The following ATP6V0D1 variants were observed in gnomAD, a reference collection of about 807,000 sequenced individuals.
The protein encoded by ATP6V0D1 is V-type proton ATPase subunit d 1.
In ATP6V0D1, 13 loss-of-function variants were observed where a neutral mutation model predicts 39.0. The observed-to-expected ratio is 0.33, with a 90% confidence interval of 0.22 to 0.53. The LOEUF (loss-of-function observed/expected upper bound fraction) is 0.53. Among genes scored for constraint, ATP6V0D1 ranks in the 20% least tolerant of loss-of-function variants. The pLI, the probability that ATP6V0D1 is intolerant of heterozygous loss-of-function variation, is 0.94. For missense variants in ATP6V0D1, 272 were observed against 470.9 expected, an observed-to-expected ratio of 0.58 and a Z score of 3.91; for synonymous variants, 191 against 191.2, an observed-to-expected ratio of 1.00 and a Z score of 0.01.
chr16:67,466,093 TG>T (rs2041326776), intron 1 of ATP6V0D1, among the ~76,000 whole-genome samples: 1 of 152,016 alleles, frequency 6.6e-6, no homozygotes, highest in South Asian at 2.1e-4. Context: ...ATTTAATCAC[TG>T]CCTCAGACTC....
At position 67,451,721 on chromosome 16, in the gene ATP6V0D1, TGGAAGGGGTG is replaced by T. The variant is rs561570095; in HGVS notation, c.302+1813_302+1822del. 2.9e-3 allele frequency among the ~76,000 whole-genome samples: 439 copies of T among 152,208 alleles called. 1 individual carries two copies. Among genetic ancestry groups the T allele is most frequent in the Non-Finnish European group, 5.0e-3 (343 of 67,998 alleles). ...ACTGGAAGCCACAATCACCCATGAA[TGGAAGGGGTG>T]GGAAGTGGCAGATTCGGACAGCCTT... On this transcript the variant is annotated intron_variant, in intron 2 of 7. Coordinates refer to ENST00000290949, the MANE Select transcript of ATP6V0D1 (RefSeq NM_004691.5).
intron 1 of ATP6V0D1, among the ~76,000 whole-genome samples, chr16:67,473,439 T>C (rs1379805287): frequency 6.6e-6 from 1 of 150,946 alleles, no homozygotes; most frequent in Non-Finnish European, 1.5e-5. Context: ...ACCTCCACCT[T>C]CCGGGTTCAA....
chr16:67,471,405 G>C (rs2041371827), intron 1 of ATP6V0D1, among the ~76,000 whole-genome samples: 1 of 152,008 alleles, frequency 6.6e-6, no homozygotes, highest in Non-Finnish European at 1.5e-5. Flanking sequence ...GCCCAGGGTG[G>C]TCTTGAACTC....
chr16:67,444,378 G>GT lies in ATP6V0D1; in HGVS notation c.481+149_481+150insA, dbSNP rs1270736653. On this transcript the variant is annotated intron_variant, in intron 3 of 7. Coordinates refer to ENST00000290949, the MANE Select transcript of ATP6V0D1 (RefSeq NM_004691.5). The surrounding 1 kb of genome is among the most constrained non-coding windows in gnomAD (Gnocchi z 4.8). ...GGGGTGAAGTGAGGAGAGAATCGGA[G>GT]GAGGAAGTTGAAGGGAGACAAAGGT... is the stretch of plus-strand genomic sequence containing the variant. The GT allele has an allele frequency of 7.4e-6, 6 of 808,030 alleles. No homozygotes were observed. Among genetic ancestry groups the GT allele is most frequent in the African/African-American group, 3.5e-5 (2 of 57,272 alleles). 50.1% of individuals were successfully genotyped at this position (808,030 alleles called of 1,614,324 possible).
At chr16:67,458,517 C>T (rs1597578229) in intron 1 of ATP6V0D1, among the ~76,000 whole-genome samples, 1 of 152,170 alleles carries the variant, frequency 6.6e-6, no homozygotes, top group South Asian at 2.1e-4. Context: ...CCAGCCAAGG[C>T]ATGAGCAAGC....
intron 1 of ATP6V0D1, among the ~76,000 whole-genome samples, chr16:67,465,933 C>T (rs757054401): frequency 1.4e-4 from 21 of 152,166 alleles, no homozygotes; most frequent in Admixed American, 1.4e-3. Context: ...TCACGGGGTC[C>T]AGCCACACCT....
At chr16:67,449,498 G>T (rs2041153542) in intron 2 of ATP6V0D1, among the ~76,000 whole-genome samples, 1 of 152,234 alleles carries the variant, frequency 6.6e-6, no homozygotes, top group African/African-American at 2.4e-5. Flanking sequence ...ACATGTTAGT[G>T]GCATGAAACT....
At chr16:67,451,154 C>A (rs900505982) in intron 2 of ATP6V0D1, among the ~76,000 whole-genome samples, 1 of 152,166 alleles carries the variant, frequency 6.6e-6, no homozygotes, top group African/African-American at 2.4e-5. Context: ...GATGACCCCC[C>A]ACTCAAGGCT....
rs1287104318 is a variant in ATP6V0D1, at chr16:67,438,783, G to A, written c.894+10C>T. On this transcript the variant is annotated intron_variant, in intron 7 of 7. Coordinates refer to ENST00000290949, the MANE Select transcript of ATP6V0D1 (RefSeq NM_004691.5). Reference sequence around the variant, plus strand: ...GGCCTCCCTCTGACAAGCAGACCCTGCAGACTCACCTCGTGCTCAAAGAAT... The same window carrying A: ...GGCCTCCCTCTGACAAGCAGACCCTACAGACTCACCTCGTGCTCAAAGAAT... 6.2e-7 allele frequency: 1 copy of A among 1,613,948 alleles called. No homozygotes were observed. The highest frequency in any genetic ancestry group is 1.3e-5 in the African/African-American group (1 of 74,878).
intron 1 of ATP6V0D1, among the ~76,000 whole-genome samples, chr16:67,480,381 G>T (rs1272145154): frequency 6.6e-6 from 1 of 151,988 alleles, no homozygotes; most frequent in Non-Finnish European, 1.5e-5. Flanking sequence ...GACCTGCAAG[G>T]GCCACCCTTG....
chr16:67,448,022 C>T (rs1034517252), intron 2 of ATP6V0D1, among the ~76,000 whole-genome samples: 2 of 152,186 alleles, frequency 1.3e-5, no homozygotes, highest in African/African-American at 2.4e-5. Context: ...GGCCTCAGCA[C>T]ACCACCTCTC....
chr16:67,471,974 C>T (rs919743741), intron 1 of ATP6V0D1, among the ~76,000 whole-genome samples: 7 of 152,110 alleles, frequency 4.6e-5, no homozygotes, highest in Admixed American at 4.6e-4. Flanking sequence ...TACCACCAAC[C>T]CTACCTCCTC....
chr16:67,467,701 C>A (rs1277163533), intron 1 of ATP6V0D1, among the ~76,000 whole-genome samples: 1 of 152,208 alleles, frequency 6.6e-6, no homozygotes, highest in Non-Finnish European at 1.5e-5. Flanking sequence ...TGGCTCCACA[C>A]AGAAGAACTC....
At chr16:67,464,554 A>C (rs1412059748) in intron 1 of ATP6V0D1, among the ~76,000 whole-genome samples, 1 of 152,184 alleles carries the variant, frequency 6.6e-6, no homozygotes, top group East Asian at 1.9e-4. Context: ...AGGGGCTCCC[A>C]GTGAGACCAG....
At chr16:67,466,608 A>C (rs897186026) in intron 1 of ATP6V0D1, among the ~76,000 whole-genome samples, 5 of 152,112 alleles carry the variant, frequency 3.3e-5, no homozygotes, top group Admixed American at 3.3e-4. Flanking sequence ...GCCGAGGCTG[A>C]AAGATGACTT....
intron 2 of ATP6V0D1, among the ~76,000 whole-genome samples, chr16:67,449,022 G>C (rs1433028719): frequency 6.6e-6 from 1 of 152,232 alleles, no homozygotes; most frequent in East Asian, 1.9e-4. Context: ...GACCAAGCAG[G>C]GCCCCAAGGT....
chr16:67,458,401 C>T (rs1402219548), intron 1 of ATP6V0D1, among the ~76,000 whole-genome samples: 2 of 152,196 alleles, frequency 1.3e-5, no homozygotes, highest in African/African-American at 4.8e-5. Flanking sequence ...CTGAGGGCAG[C>T]CAAGGACGGC....
rs776024490 is a variant in ATP6V0D1, at chr16:67,439,262, G to T, written c.639+12C>A. 6.2e-7 allele frequency: 1 copy of T among 1,613,934 alleles called. No homozygotes were observed. Among genetic ancestry groups the T allele is most frequent in the Admixed American group, 1.7e-5 (1 of 60,006 alleles). ...CGGGCACCAGCAGGCAGGAGGGCGGGCAGGCACTCACCTCCAGGATGGGGC... is the reference window on the plus strand; with the variant it reads ...CGGGCACCAGCAGGCAGGAGGGCGGTCAGGCACTCACCTCCAGGATGGGGC... On this transcript the variant is annotated intron_variant, in intron 5 of 7. Coordinates refer to ENST00000290949, the MANE Select transcript of ATP6V0D1 (RefSeq NM_004691.5).
chr16:67,461,675 A>G (rs899333087), intron 1 of ATP6V0D1, among the ~76,000 whole-genome samples: 1 of 152,178 alleles, frequency 6.6e-6, no homozygotes, highest in African/African-American at 2.4e-5. Context: ...CTGGACCTAC[A>G]TTTTGTTTCA....
Sources: allele counts gnomAD v4.1 joint callset (sites outside exome capture counted in the v4.1 genomes callset), GRCh38; gene constraint gnomAD v4.1.1; non-coding constraint Gnocchi (gnomAD v3.1); transcripts MANE v1.5; gene names NCBI Gene and HGNC (gene_info 2026-07-23, HGNC 2026-07-21).